Variants in UTRN observed in about 807,000 individuals in gnomAD.
UTRN encodes utrophin, also known as dystrophin-related protein 1.
In UTRN, 283 loss-of-function variants were observed where a neutral mutation model predicts 463.9. The observed-to-expected ratio is 0.61, with a 90% CI of 0.55 to 0.67. The LOEUF is 0.67. UTRN is among the 30% of genes least tolerant of loss of function. UTRN has a pLI of 0.00. For synonymous variants in UTRN, 1,442 were observed against 1,431.5 expected, an observed-to-expected ratio of 1.01 and a Z score of -0.17; for missense variants, 3,922 against 4,084.3, an observed-to-expected ratio of 0.96 and a Z score of 1.08.
intron 51 of UTRN, among the ~76,000 whole-genome samples, chr6:144,623,372 A>G (rs1375085117): frequency 6.6e-6 from 1 of 152,236 alleles, no homozygotes; most frequent in Non-Finnish European, 1.5e-5. Flanking sequence ...GAAATTTTTT[A>G]CAAAGTGTTT....
At chr6:144,471,115 G>A (rs1234734380) in intron 23 of UTRN, among the ~76,000 whole-genome samples, 4 of 148,960 alleles carry the variant, frequency 2.7e-5, no homozygotes, top group Non-Finnish European at 5.9e-5. Flanking sequence ...AGAGGGATCT[G>A]TTTCTTTTCT....
chr6:144,838,039 A>G (rs1562969442), intron 71 of UTRN, among the ~76,000 whole-genome samples: 1 of 152,154 alleles, frequency 6.6e-6, no homozygotes, highest in African/African-American at 2.4e-5. Flanking sequence ...TAAGGGATGG[A>G]TTTTCTCTTG....
At chr6:144,648,614 C>T (rs962470533) in intron 51 of UTRN, among the ~76,000 whole-genome samples, 1 of 152,100 alleles carries the variant, frequency 6.6e-6, no homozygotes, top group African/African-American at 2.4e-5. Flanking sequence ...CCTCTCTGTC[C>T]TGGGGGCAAT....
intron 2 of UTRN, among the ~76,000 whole-genome samples, chr6:144,364,968 A>C (rs182337791): frequency 6.6e-6 from 1 of 152,350 alleles, no homozygotes; most frequent in African/African-American, 2.4e-5. Context: ...GGCTAACCCA[A>C]GATAACCTTC....
At chr6:144,579,634 C>T (rs940219515) in intron 51 of UTRN, among the ~76,000 whole-genome samples, 2 of 152,086 alleles carry the variant, frequency 1.3e-5, no homozygotes, top group African/African-American at 4.8e-5. Context: ...TGTTTAAAAT[C>T]TTTCAAAATA....
intron 45 of UTRN, 81 bp downstream of exon 45, chr6:144,539,524 C>T (rs530715220): frequency 5.7e-5 from 82 of 1,427,628 alleles, no homozygotes; most frequent in Non-Finnish European, 7.3e-5. Flanking sequence ...AACTGCTTTA[C>T]TTTCAAGTAT....
chr6:144,463,870 T>C lies in UTRN; in HGVS notation c.3066+1004T>C, dbSNP rs536544668. 9.9e-5 allele frequency among the ~76,000 whole-genome samples: 15 copies of C among 151,624 alleles called. No individual in the cohort carries two copies. The South Asian group carries it at 3.1e-3, about 32-fold the overall frequency. On this transcript the variant is annotated intron_variant, in intron 23 of 74. Coordinates refer to ENST00000367545, the MANE Select transcript of UTRN (RefSeq NM_007124.3). ...AGCTAAATCCAAATATGTGTAGATA[T>C]ATATCTATATATATAGGGAGATGTC... is the stretch of plus-strand genomic sequence containing the variant.
chr6:144,590,296 A>G (rs954535739), intron 51 of UTRN, among the ~76,000 whole-genome samples: 1 of 152,196 alleles, frequency 6.6e-6, no homozygotes. Flanking sequence ...TTGATAAGAA[A>G]GATGGATTGG....
intron 50 of UTRN, among the ~76,000 whole-genome samples, chr6:144,570,993 A>G (rs1800889312): frequency 6.6e-6 from 1 of 152,178 alleles, no homozygotes; most frequent in South Asian, 2.1e-4. Flanking sequence ...CTGTTGCCAT[A>G]TAACCTATTA....
rs971552064 is a variant in UTRN at position 144,820,949 on chromosome 6, A to G, written c.9425A>G (p.Tyr3142Cys). 1 of 1,613,956 alleles carries G rather than the reference A, an allele frequency of 6.2e-7. No homozygotes were observed. The highest frequency in any genetic ancestry group is 8.5e-7 in the Non-Finnish European group (1 of 1,179,876). ...VLKNKFRSKK[Y>C]FAKHPRLGYL... ...AAGAACAAGTTCAGGTCGAAGAAGT[A>G]CTTTGCCAAACACCCTCGACTTGGT... Residue 3142 changes from tyrosine to cysteine, a missense_variant, in exon 66 of 75, where the codon TAC becomes TGC. Around this residue, in one of 3 missense-constraint regions of UTRN, gnomAD observed 1,309 missense variants for 1,452.6 expected, o/e 0.90. Coordinates refer to ENST00000367545, the MANE Select transcript of UTRN (RefSeq NM_007124.3).
chr6:144,633,449 A>G (rs1397512831), intron 51 of UTRN, among the ~76,000 whole-genome samples: 1 of 151,470 alleles, frequency 6.6e-6, no homozygotes, highest in Non-Finnish European at 1.5e-5. Flanking sequence ...AGCCAGAATG[A>G]TCTCGATCTC....
At chr6:144,361,575 A>T (rs996381821) in intron 2 of UTRN, among the ~76,000 whole-genome samples, 4 of 150,806 alleles carry the variant, frequency 2.7e-5, no homozygotes, top group African/African-American at 7.3e-5. Context: ...CTTGTTCTTT[A>T]AAAAAAAATT....
intron 45 of UTRN, among the ~76,000 whole-genome samples, chr6:144,541,933 G>A (rs1442023946): frequency 6.6e-6 from 1 of 152,198 alleles, no homozygotes; most frequent in Non-Finnish European, 1.5e-5. Context: ...GACAGAGAAT[G>A]AGCACAGTGT....
chr6:144,298,954 A>G (rs1804995239), intron 2 of UTRN, among the ~76,000 whole-genome samples: 1 of 152,150 alleles, frequency 6.6e-6, no homozygotes, highest in African/African-American at 2.4e-5. Context: ...CCATTCTCTA[A>G]TTAAGATTTT....
At chr6:144,688,152 C>T (rs1048844090) in intron 52 of UTRN, among the ~76,000 whole-genome samples, 2 of 152,068 alleles carry the variant, frequency 1.3e-5, no homozygotes, top group Non-Finnish European at 2.9e-5. Context: ...CTTTCTTATA[C>T]TTAGTCTAAT....
chr6:144,554,941 CT>C lies in UTRN; in HGVS notation c.7134+55del, dbSNP rs200748092. 5,980 of 1,590,042 alleles carry C rather than the reference CT, an allele frequency of 3.8e-3. 177 individuals are homozygous for C. The African/African-American group carries it at 0.069, about 18-fold the overall frequency. The stretch of plus-strand genomic sequence containing the variant: ...TGGCAGTATTGTTTTGTTGGATATA[CT>C]TTTTTTCTATTGTTCACTGTAATTC... On this transcript the variant is annotated intron_variant, in intron 49 of 74. Transcript: ENST00000367545.
intron 2 of UTRN, among the ~76,000 whole-genome samples, chr6:144,300,951 T>C (rs1805189340): frequency 6.6e-6 from 1 of 152,244 alleles, no homozygotes; most frequent in South Asian, 2.1e-4. Flanking sequence ...TGAAATTATA[T>C]TATCTTTTAA....
At chr6:144,387,306 C>G (rs1398393723) in intron 2 of UTRN, among the ~76,000 whole-genome samples, 1 of 152,064 alleles carries the variant, frequency 6.6e-6, no homozygotes, top group Non-Finnish European at 1.5e-5. Flanking sequence ...CCATGCCTGG[C>G]TAATTTTTGT....
At chr6:144,641,137 G>A (rs1342250440) in intron 51 of UTRN, among the ~76,000 whole-genome samples, 1 of 152,112 alleles carries the variant, frequency 6.6e-6, no homozygotes, top group East Asian at 1.9e-4. Flanking sequence ...CACAGCCTCA[G>A]GAGGTCCTGA....
Sources: gnomAD v4.1 joint callset for allele counts (sites outside exome capture counted in the v4.1 genomes callset) on GRCh38, gnomAD v4.1.1 for gene constraint, gnomAD v4.1.1 regional missense constraint, MANE v1.5 for transcripts, NCBI Gene and HGNC (gene_info 2026-07-23, HGNC 2026-07-21) for gene names.